The following TNNI3K variants were observed in gnomAD, a reference collection of about 807,000 sequenced individuals.
The protein encoded by TNNI3K is TNNI3 interacting kinase.
In TNNI3K, 140 loss-of-function variants were observed where a neutral mutation model predicts 114.5. The observed-to-expected ratio is 1.22, with a 90% CI of 1.07 to 1.41. The LOEUF (loss-of-function observed/expected upper bound fraction) is 1.41, where lower values mean the gene tolerates loss of function less well. Ranked by LOEUF, TNNI3K falls within the 40% of genes most tolerant of loss-of-function variation. The probability of loss-of-function intolerance (pLI) is 0.00; values close to 1 mark genes in which losing one functional copy is unlikely to be tolerated. For synonymous variants in TNNI3K, 347 were observed against 347.5 expected, an observed-to-expected ratio of 1.00 and a Z score of 0.02; for missense variants, 1,125 against 1,007.6, an observed-to-expected ratio of 1.12 and a Z score of -1.58.
chr1:74,302,179 G>A (rs1361223462), intron 5 of TNNI3K, among the ~76,000 whole-genome samples: 1 of 152,170 alleles, frequency 6.6e-6, no homozygotes, highest in African/African-American at 2.4e-5. Flanking sequence ...CTGTGATGGT[G>A]ATGTGTTGCA....
chr1:74,516,774 T>C lies in TNNI3K; in HGVS notation c.2352-23460T>C, dbSNP rs559022845. On this transcript the variant is annotated intron_variant, in intron 23 of 24. Transcript: ENST00000326637. ...TAGTAATAATGAATGTGCCCTCATA[T>C]AGCCACATTTCCCCAACCCTTATTA... is the stretch of plus-strand genomic sequence containing the variant. 3.3e-5 allele frequency among the ~76,000 whole-genome samples: 5 copies of C among 152,318 alleles called. No individual in the cohort carries two copies. The East Asian group carries it at 5.8e-4, about 18-fold the overall frequency.
chr1:74,428,581 C>G (rs2100649442), intron 17 of TNNI3K, among the ~76,000 whole-genome samples: 1 of 151,978 alleles, frequency 6.6e-6, no homozygotes, highest in South Asian at 2.1e-4. Flanking sequence ...TTCTTCTGGA[C>G]ATGGTAGGAG....
chr1:74,460,421 G>A (rs1438507609), intron 20 of TNNI3K, among the ~76,000 whole-genome samples: 1 of 152,112 alleles, frequency 6.6e-6, no homozygotes, highest in African/African-American at 2.4e-5. Context: ...CTAAACTATT[G>A]ATAAATATTT....
chr1:74,402,704 G>A (rs1664429257), intron 17 of TNNI3K, among the ~76,000 whole-genome samples: 1 of 152,152 alleles, frequency 6.6e-6, no homozygotes, highest in African/African-American at 2.4e-5. Context: ...TGTGGTTGTA[G>A]GACTGAAGTC....
At chr1:74,359,626 T>A (rs547160868) in intron 11 of TNNI3K, among the ~76,000 whole-genome samples, 81 of 152,176 alleles carry the variant, frequency 5.3e-4, no homozygotes, top group African/African-American at 1.7e-3. Flanking sequence ...CAAAATATTA[T>A]GAAAGTAATC....
At chr1:74,269,803 CA>C (rs1274719429) in intron 4 of TNNI3K, among the ~76,000 whole-genome samples, 3 of 151,738 alleles carry the variant, frequency 2.0e-5, no homozygotes, top group Admixed American at 2.0e-4. Flanking sequence ...ACCAAAGATG[CA>C]TTTATCAGAT....
At chr1:74,520,923 G>C (rs1646423551) in intron 23 of TNNI3K, among the ~76,000 whole-genome samples, 1 of 152,128 alleles carries the variant, frequency 6.6e-6, no homozygotes, top group Non-Finnish European at 1.5e-5. Context: ...GTTGTGAATA[G>C]TGGTGACATG....
At chr1:74,434,998 G>A (rs979423234) in intron 17 of TNNI3K, among the ~76,000 whole-genome samples, 2 of 151,834 alleles carry the variant, frequency 1.3e-5, no homozygotes, top group Non-Finnish European at 2.9e-5. Context: ...AAATAGTTAA[G>A]GGTAAAGGAA....
intron 21 of TNNI3K, chr1:74,475,269 G>A (rs1668137004): frequency 1.6e-6 from 1 of 625,936 alleles, no homozygotes; most frequent in Non-Finnish European, 2.9e-6. Context: ...AACGGAGTGG[G>A]ATTTTCTAAA....
At position 74,439,477 on chromosome 1, in the gene TNNI3K, T is replaced by G. The variant is rs1165725181; in HGVS notation, c.1879-13T>G. On this transcript the variant is annotated splice_polypyrimidine_tract_variant and intron_variant, in intron 19 of 24. Coordinates refer to ENST00000326637, the MANE Select transcript of TNNI3K (RefSeq NM_015978.3). The stretch of plus-strand genomic sequence containing the variant: ...ACTTGGTAAATGGCTTGTGGATGTT[T>G]CTTGATGTGCAGAACCTCCGTTGGA... The G allele has an allele frequency of 6.2e-7, 1 of 1,609,368 alleles. No homozygotes were observed. Among genetic ancestry groups the G allele is most frequent in the Admixed American group, 1.7e-5 (1 of 59,258 alleles).
At chr1:74,530,688 G>T (rs1354350128) in intron 23 of TNNI3K, among the ~76,000 whole-genome samples, 2 of 151,632 alleles carry the variant, frequency 1.3e-5, no homozygotes, top group Non-Finnish European at 2.9e-5. Flanking sequence ...TGAGGAGTGG[G>T]CCTTATCACT....
chr1:74,361,996 C>A (rs573152654), intron 11 of TNNI3K, among the ~76,000 whole-genome samples: 15 of 152,160 alleles, frequency 9.9e-5, no homozygotes, highest in Non-Finnish European at 1.6e-4. Flanking sequence ...AATAATGGGT[C>A]AAAGGGGATG....
intron 17 of TNNI3K, chr1:74,372,395 A>T (rs1053757648): frequency 3.3e-5 from 5 of 151,870 alleles, no homozygotes; most frequent in African/African-American, 1.2e-4. Flanking sequence ...TATGAAAGAT[A>T]GGAGAGATAA....
rs1000001265 is a variant in TNNI3K at position 74,334,881 on chromosome 1, T to G, written c.544-1130T>G. ...GCATGACTCTAGAGAGGATTATTTA[T>G]GTAAAGTGAAGACCTACATTATGAA... On this transcript the variant is annotated intron_variant, in intron 6 of 24. Coordinates refer to ENST00000326637, the MANE Select transcript of TNNI3K (RefSeq NM_015978.3). Among the ~76,000 whole-genome samples, 16 of 152,340 alleles carry G rather than the reference T, an allele frequency of 1.1e-4. No homozygotes were observed. The East Asian group carries it at 2.9e-3, about 28-fold the overall frequency.
chr1:74,479,115 C>T (rs948186157), intron 21 of TNNI3K, among the ~76,000 whole-genome samples: 2 of 152,126 alleles, frequency 1.3e-5, no homozygotes, highest in East Asian at 1.9e-4. Flanking sequence ...TAAAATACGT[C>T]AGTCTTGGAT....
intron 2 of TNNI3K, among the ~76,000 whole-genome samples, chr1:74,241,304 A>G (rs1284597127): frequency 6.6e-6 from 1 of 152,214 alleles, no homozygotes; most frequent in East Asian, 1.9e-4. Flanking sequence ...CAGTAATGGG[A>G]TGGCTGAGTC....
rs368048420 is a variant in TNNI3K at position 74,247,175 on chromosome 1, G to A, written c.150-2284G>A. ...GGTTTGTTCCTTCTGATGTTTGGAC[G>A]TGTTCCGAGTTTCTTCCTTCTGGTG... On this transcript the variant is annotated intron_variant, in intron 2 of 24. Transcript: ENST00000326637. 1.3e-4 allele frequency among the ~76,000 whole-genome samples: 20 copies of A among 152,194 alleles called. No homozygotes were observed. The East Asian group carries it at 1.9e-3, about 15-fold the overall frequency.
chr1:74,541,543 C>G (rs1646726929), intron 24 of TNNI3K: 1 of 152,144 alleles, frequency 6.6e-6, no homozygotes, highest in South Asian at 2.1e-4. Context: ...ACAGATGTAA[C>G]TTCATAAACA....
intron 17 of TNNI3K, chr1:74,371,904 A>T (rs1435922164): frequency 6.6e-6 from 1 of 151,706 alleles, no homozygotes; most frequent in East Asian, 1.9e-4. Context: ...AGTAATCTAG[A>T]TAAGAAGTAA....
Sources: gnomAD v4.1 joint callset for allele counts (sites outside exome capture counted in the v4.1 genomes callset) on GRCh38, gnomAD v4.1.1 for gene constraint, MANE v1.5 for transcripts, NCBI Gene and HGNC (gene_info 2026-07-23, HGNC 2026-07-21) for gene names.